SH2D4B: variants seen among roughly 807,000 people sequenced by gnomAD.
The protein encoded by SH2D4B is SH2 domain containing 4B.
A neutral mutation model predicts 61.5 loss-of-function variants in SH2D4B; 45 were observed. That is an observed-to-expected ratio of 0.73 (90% CI 0.58 to 0.94). The LOEUF is 0.94. SH2D4B is among the 40% of genes least tolerant of loss of function. The pLI is 0.00. For missense variants in SH2D4B, 572 were observed against 574.2 expected, an observed-to-expected ratio of 1.00 and a Z score of 0.04; for synonymous variants, 224 against 220.4, an observed-to-expected ratio of 1.02 and a Z score of -0.14.
intron 1 of SH2D4B, among the ~76,000 whole-genome samples, chr10:80,565,133 T>C (rs1254009843): frequency 6.6e-6 from 1 of 152,232 alleles, no homozygotes. Context: ...CCCCTGTTGT[T>C]ACAGGCTGAT....
chr10:80,604,981 G>C (rs1414600493), intron 5 of SH2D4B, among the ~76,000 whole-genome samples: 1 of 152,134 alleles, frequency 6.6e-6, no homozygotes, highest in African/African-American at 2.4e-5. Flanking sequence ...TTTTAGTAGA[G>C]ATGGGGTTTC....
chr10:80,596,164 C>G (rs1015912281), intron 4 of SH2D4B, among the ~76,000 whole-genome samples: 6 of 152,234 alleles, frequency 3.9e-5, no homozygotes, highest in African/African-American at 1.2e-4. Flanking sequence ...AGCTCCTAGG[C>G]GATGCCTCAG....
intron 6 of SH2D4B, among the ~76,000 whole-genome samples, chr10:80,623,201 C>T (rs1023705510): frequency 6.6e-6 from 1 of 152,230 alleles, no homozygotes; most frequent in Non-Finnish European, 1.5e-5. Context: ...AGGCGTGAGC[C>T]GCCGTGCCTG....
intron 6 of SH2D4B, among the ~76,000 whole-genome samples, chr10:80,621,091 C>A (rs375438291): frequency 2.6e-5 from 4 of 152,202 alleles, no homozygotes; most frequent in Non-Finnish European, 5.9e-5. Flanking sequence ...CAGTTGTCAA[C>A]GTTTTTAAGA....
At chr10:80,544,681 C>T (rs1379996712) in intron 1 of SH2D4B, among the ~76,000 whole-genome samples, 2 of 152,260 alleles carry the variant, frequency 1.3e-5, no homozygotes, top group Non-Finnish European at 2.9e-5. Context: ...TGCCTGCAGA[C>T]ATTCCCATGG....
chr10:80,552,478 G>A (rs1348308889), intron 1 of SH2D4B, among the ~76,000 whole-genome samples: 2 of 152,082 alleles, frequency 1.3e-5, no homozygotes, highest in Admixed American at 6.5e-5. Context: ...GGATGCTAAC[G>A]CTGTCCCCTC....
rs778648610 is a variant in SH2D4B, at chr10:80,603,802, C to T, written c.860+7C>T. 3.7e-6 allele frequency: 6 copies of T among 1,604,972 alleles called. No homozygotes were observed. Among genetic ancestry groups the T allele is most frequent in the Non-Finnish European group, 5.1e-6 (6 of 1,177,528 alleles). ...CCCTTGCCCTGCCGGTCAGGTGGGTCCAGGCTCCGTGTTGGTGTGGTTGGG... is the reference window on the plus strand; with the variant it reads ...CCCTTGCCCTGCCGGTCAGGTGGGTTCAGGCTCCGTGTTGGTGTGGTTGGG... On this transcript the variant is annotated splice_region_variant and intron_variant, in intron 5 of 7. Coordinates refer to ENST00000646907, the MANE Select transcript of SH2D4B (RefSeq NM_001388272.1).
intron 1 of SH2D4B, among the ~76,000 whole-genome samples, chr10:80,542,827 T>C (rs1459142284): frequency 6.6e-6 from 1 of 152,144 alleles, no homozygotes; most frequent in Admixed American, 6.5e-5. Context: ...ACTCTCCTGT[T>C]TGTGAATCAA....
chr10:80,576,489 G>GTA (rs1257130601), intron 3 of SH2D4B, among the ~76,000 whole-genome samples: 5 of 152,236 alleles, frequency 3.3e-5, no homozygotes, highest in African/African-American at 1.2e-4. Flanking sequence ...GTACTGTGCA[G>GTA]TTGAATGGTC....
At chr10:80,550,852 A>G (rs1841750925) in intron 1 of SH2D4B, among the ~76,000 whole-genome samples, 1 of 152,170 alleles carries the variant, frequency 6.6e-6, no homozygotes, top group Admixed American at 6.5e-5. Context: ...GCCACAACAT[A>G]GGAAGCTTCC....
chr10:80,611,607 C>T (rs967843951), intron 6 of SH2D4B, among the ~76,000 whole-genome samples: 9 of 152,234 alleles, frequency 5.9e-5, no homozygotes, highest in African/African-American at 1.4e-4. Flanking sequence ...TTTCTTCAGA[C>T]GTTACTATGG....
chr10:80,570,105 T>C (rs1462407250), intron 1 of SH2D4B, 49 bp from the exon 2 acceptor site: 1 of 1,610,812 alleles, frequency 6.2e-7, no homozygotes, highest in Non-Finnish European at 8.5e-7. Flanking sequence ...GGTCATTCCT[T>C]ACTGATTGAA....
intron 7 of SH2D4B, chr10:80,643,124 T>C (rs148242737): frequency 1.3e-4 from 20 of 152,800 alleles, no homozygotes; most frequent in African/African-American, 4.8e-4. Flanking sequence ...GATGTGACAT[T>C]TCTTTCAGCT....
intron 4 of SH2D4B, among the ~76,000 whole-genome samples, chr10:80,589,831 G>A (rs1842306037): frequency 6.6e-6 from 1 of 152,184 alleles, no homozygotes; most frequent in African/African-American, 2.4e-5. Flanking sequence ...CAAAGGCTTG[G>A]TGACAAAGGA....
At chr10:80,548,901 T>C (rs977916773) in intron 1 of SH2D4B, among the ~76,000 whole-genome samples, 1 of 152,232 alleles carries the variant, frequency 6.6e-6, no homozygotes, top group African/African-American at 2.4e-5. Context: ...AACCCTTGTG[T>C]AGTTTACACA....
chr10:80,540,239 G>C (rs573288581), intron 1 of SH2D4B, among the ~76,000 whole-genome samples: 1 of 152,308 alleles, frequency 6.6e-6, no homozygotes, highest in South Asian at 2.1e-4. Context: ...CCCAGGTCAG[G>C]ATCCCGCTTG....
At chr10:80,583,363 T>C (rs908898135) in intron 3 of SH2D4B, among the ~76,000 whole-genome samples, 2 of 151,788 alleles carry the variant, frequency 1.3e-5, no homozygotes, top group African/African-American at 2.4e-5. Flanking sequence ...AACCAGGAAG[T>C]AGAAGAAAAA....
At position 80,557,139 on chromosome 10, in the gene SH2D4B, CTGAGATGATCATAATT is replaced by C. The variant is rs1564767715; in HGVS notation, c.185-13012_185-12997del. ...TTTGTCAAATGTTTTTCTGTAACTA[CTGAGATGATCATAATT>C]TGTTCTTTTTTAGTCTGCTGATAGG... On this transcript the variant is annotated intron_variant, in intron 1 of 7. Transcript: ENST00000646907. 1.2e-4 allele frequency among the ~76,000 whole-genome samples: 19 copies of C among 152,186 alleles called. No homozygotes were observed. In the South Asian group the frequency reaches 3.7e-3, roughly 30 times the overall value.
chr10:80,623,827 A>G (rs1842743840), intron 6 of SH2D4B, among the ~76,000 whole-genome samples: 1 of 152,180 alleles, frequency 6.6e-6, no homozygotes, highest in African/African-American at 2.4e-5. Flanking sequence ...CAACTGCTGT[A>G]CAGTACTCCA....
Sources: gnomAD v4.1 joint callset for allele counts (sites outside exome capture counted in the v4.1 genomes callset) on GRCh38, gnomAD v4.1.1 for gene constraint, MANE v1.5 for transcripts, NCBI Gene and HGNC (gene_info 2026-07-23, HGNC 2026-07-21) for gene names.